The following SDC2 variants were observed in gnomAD, a reference collection of about 807,000 sequenced individuals.
The protein encoded by SDC2 is syndecan 2.
A neutral mutation model predicts 22.2 loss-of-function variants in SDC2; 13 were observed. That is an observed-to-expected ratio of 0.59 (90% CI 0.38 to 0.93). SDC2 has a LOEUF of 0.93. SDC2 is among the 40% of genes least tolerant of loss of function. The probability of loss-of-function intolerance (pLI) is 0.00; values close to 1 mark genes in which losing one functional copy is unlikely to be tolerated. For missense variants in SDC2, 235 were observed against 246.8 expected (o/e 0.95, Z 0.32); for synonymous variants, 94 against 92.8 (o/e 1.01, Z -0.07).
Position 96,516,404 on chromosome 8 carries a change from A to G in SDC2, c.60+22073A>G, listed in dbSNP as rs981447514. The stretch of plus-strand genomic sequence containing the variant: ...GCTACTTAGAGTTGTACATATAGGT[A>G]CATAACATTGAATAGCTTTGTTGAA... On this transcript the variant is annotated intron_variant, in intron 1 of 4. Coordinates refer to ENST00000302190, the MANE Select transcript of SDC2 (RefSeq NM_002998.4). 1.3e-5 allele frequency among the ~76,000 whole-genome samples: 2 copies of G among 152,254 alleles called. 1 individual carries two copies. The highest frequency in any genetic ancestry group is 4.8e-5 in the African/African-American group (2 of 41,472).
At chr8:96,599,376 G>C (rs950443418) in intron 2 of SDC2, among the ~76,000 whole-genome samples, 3 of 152,040 alleles carry the variant, frequency 2.0e-5, no homozygotes, top group African/African-American at 7.3e-5. Flanking sequence ...GTCTTTAAAA[G>C]CCCTAGACTG....
chr8:96,510,861 TC>T (rs1178627768), intron 1 of SDC2, among the ~76,000 whole-genome samples: 3 of 148,792 alleles, frequency 2.0e-5, no homozygotes, highest in Non-Finnish European at 4.6e-5. Context: ...TGAATTCTCT[TC>T]GTTCTCCCCG....
chr8:96,592,588 A>C (rs1031449558), intron 1 of SDC2, among the ~76,000 whole-genome samples: 6 of 152,006 alleles, frequency 3.9e-5, no homozygotes, highest in Non-Finnish European at 8.8e-5. Context: ...TTATACCTCT[A>C]CTCTGTCTCC....
chr8:96,588,269 G>A (rs1814720044), intron 1 of SDC2, among the ~76,000 whole-genome samples: 1 of 152,164 alleles, frequency 6.6e-6, no homozygotes, highest in Admixed American at 6.5e-5. Context: ...GGTGACTATA[G>A]TGTCCAGTCA....
intron 1 of SDC2, among the ~76,000 whole-genome samples, chr8:96,502,313 T>G (rs1324045783): frequency 6.6e-6 from 1 of 152,180 alleles, no homozygotes; most frequent in Non-Finnish European, 1.5e-5. Flanking sequence ...TATCTCCACC[T>G]GGCCCCGCCC....
intron 3 of SDC2, among the ~76,000 whole-genome samples, chr8:96,603,985 A>G (rs969347271): frequency 1.3e-5 from 2 of 152,206 alleles, no homozygotes; most frequent in Non-Finnish European, 2.9e-5. Flanking sequence ...TGCAGGTGCA[A>G]TTGGTGGTAC....
At position 96,501,295 on chromosome 8, in the gene SDC2, CTTTTTTTT is replaced by C. The variant is rs35998270; in HGVS notation, c.60+6986_60+6993del. Among the ~76,000 whole-genome samples the C allele has an allele frequency of 2.3e-3, 129 of 55,156 alleles. 1 individual carries two copies. Among genetic ancestry groups the C allele is most frequent in the African/African-American group, 8.3e-3 (115 of 13,804 alleles). The allele number at this position is 55,156 out of a possible 152,430, so 36.2% of individuals were successfully genotyped here. ...TAAGGGAAAAGTTAAATACGTATTT[CTTTTTTTT>C]TTTTTTTTTTTTTTTTTTTTTGAGA... On this transcript the variant is annotated intron_variant, in intron 1 of 4. Coordinates refer to ENST00000302190, the MANE Select transcript of SDC2 (RefSeq NM_002998.4).
chr8:96,609,381 T>A lies in SDC2; in HGVS notation c.443-4T>A, dbSNP rs1265713101. ...TAAAGTAATCTTCCTTTTGGTTGTT[T>A]CAGCTGTCATTGCTGGTGGAGTTAT... On this transcript the variant is annotated splice_polypyrimidine_tract_variant and splice_region_variant and intron_variant, in intron 4 of 4. Transcript: ENST00000302190. The A allele has an allele frequency of 6.2e-7, 1 of 1,608,672 alleles. No individual in the cohort carries two copies. Among genetic ancestry groups the A allele is most frequent in the Non-Finnish European group, 8.5e-7 (1 of 1,177,450 alleles).
chr8:96,496,282 C>T (rs1813074204), intron 1 of SDC2, among the ~76,000 whole-genome samples: 1 of 152,300 alleles, frequency 6.6e-6, no homozygotes, highest in East Asian at 1.9e-4. Flanking sequence ...GACAGCTTTC[C>T]CCTGAACTGT....
intron 1 of SDC2, among the ~76,000 whole-genome samples, chr8:96,508,316 A>G (rs1813276477): frequency 7.1e-6 from 1 of 140,120 alleles, no homozygotes; most frequent in African/African-American, 2.7e-5. Flanking sequence ...AATAATAATA[A>G]TAATAATAAT....
At chr8:96,525,910 T>C (rs2589215) in intron 1 of SDC2, among the ~76,000 whole-genome samples, 31,626 of 152,008 alleles carry the variant, frequency 0.21, 3,836 homozygotes, top group African/African-American at 0.33. Context: ...CAGAGTACTT[T>C]CCACACATTG....
chr8:96,580,174 CA>C (rs1210642147), intron 1 of SDC2, among the ~76,000 whole-genome samples: 1 of 152,132 alleles, frequency 6.6e-6, no homozygotes, highest in Non-Finnish European at 1.5e-5. Flanking sequence ...GGCAGCGAGG[CA>C]GGGGAAAGGC....
chr8:96,494,504 C>G (rs767336754), intron 1 of SDC2, among the ~76,000 whole-genome samples, 173 bp downstream of exon 1: 2 of 152,244 alleles, frequency 1.3e-5, no homozygotes, highest in African/African-American at 4.8e-5. Context: ...TCTTCCCTTC[C>G]TCAGAAAAGC....
chr8:96,569,218 A>G (rs549884051), intron 1 of SDC2, among the ~76,000 whole-genome samples: 2 of 152,350 alleles, frequency 1.3e-5, no homozygotes, highest in African/African-American at 4.8e-5. Context: ...TACGTTGCTC[A>G]GGCTGGTGTT....
intron 1 of SDC2, among the ~76,000 whole-genome samples, chr8:96,541,212 C>T (rs751979105): frequency 1.3e-5 from 2 of 152,034 alleles, no homozygotes; most frequent in Non-Finnish European, 2.9e-5. Flanking sequence ...AGGCAGATCA[C>T]GAGGTCAAGA....
chr8:96,518,272 GA>G (rs201146781), intron 1 of SDC2, among the ~76,000 whole-genome samples: 57 of 148,050 alleles, frequency 3.9e-4, no homozygotes, highest in African/African-American at 1.3e-3. Context: ...ATGCCTGACA[GA>G]AAAAAAAAGA....
At chr8:96,585,248 G>A (rs1486805672) in intron 1 of SDC2, among the ~76,000 whole-genome samples, 1 of 152,142 alleles carries the variant, frequency 6.6e-6, no homozygotes, top group African/African-American at 2.4e-5. Context: ...CTCTCCAGGT[G>A]GGATATTTGG....
intron 1 of SDC2, among the ~76,000 whole-genome samples, chr8:96,498,397 C>T (rs1813107059): frequency 5.3e-5 from 8 of 152,138 alleles, no homozygotes; most frequent in Admixed American, 5.2e-4. Context: ...GGTGTTTACC[C>T]AGCTCCTGAC....
chr8:96,531,328 G>A (rs1342073260), intron 1 of SDC2, among the ~76,000 whole-genome samples: 1 of 152,112 alleles, frequency 6.6e-6, no homozygotes, highest in African/African-American at 2.4e-5. Flanking sequence ...CTTTTATAGG[G>A]CACGTTTTTC....
Sources: allele counts gnomAD v4.1 joint callset (sites outside exome capture counted in the v4.1 genomes callset), GRCh38; gene constraint gnomAD v4.1.1; transcripts MANE v1.5; gene names NCBI Gene and HGNC (gene_info 2026-07-23, HGNC 2026-07-21).